Variants in PHACTR4 observed in about 807,000 individuals in gnomAD.
PHACTR4 encodes the protein phosphatase and actin regulator 4.
In PHACTR4, 51 loss-of-function variants were observed where a neutral mutation model predicts 72.7. The observed-to-expected ratio is 0.70, with a 90% CI of 0.56 to 0.89. PHACTR4 has a LOEUF of 0.89. PHACTR4 is among the 40% of genes least tolerant of loss of function. PHACTR4 has a pLI of 0.00. For missense variants in PHACTR4, 731 were observed against 861.8 expected, an observed-to-expected ratio of 0.85 and a Z score of 1.90; for synonymous variants, 255 against 302.5, an observed-to-expected ratio of 0.84 and a Z score of 1.63.
chr1:28,383,791 C>T (rs1052541584), intron 1 of PHACTR4, among the ~76,000 whole-genome samples: 4 of 152,174 alleles, frequency 2.6e-5, no homozygotes, highest in Non-Finnish European at 5.9e-5. Context: ...GTCATGTTGT[C>T]TACAGACAAA....
chr1:28,472,161 C>T (rs1659601824), intron 6 of PHACTR4, among the ~76,000 whole-genome samples: 1 of 148,874 alleles, frequency 6.7e-6, no homozygotes, highest in African/African-American at 2.5e-5. Context: ...TGCAGTGAGC[C>T]GAGATGGCAC....
chr1:28,457,739 T>G, intron 2 of PHACTR4: 1 of 713,020 alleles, frequency 1.4e-6, no homozygotes. Flanking sequence ...TAGCTTATCA[T>G]ATGCTGTTCC....
chr1:28,494,499 C>CA (rs1661226076), intron 13 of PHACTR4, among the ~76,000 whole-genome samples: 1 of 152,066 alleles, frequency 6.6e-6, no homozygotes, highest in Admixed American at 6.6e-5. Context: ...ACTAAAAATA[C>CA]AAAAATTAGC....
rs71672836 is a variant in PHACTR4 at position 28,475,729 on chromosome 1, C to CTTTTTTTTTTTTTTTTTTTTT, written c.1422-364_1422-363insTTTTTTTTTTTTTTTTTTTTT. On this transcript the variant is annotated intron_variant, in intron 7 of 13. Transcript: ENST00000373839. ...ATTTATGGTTATTTCAGTCCTTTGT[C>CTTTTTTTTTTTTTTTTTTTTT]TTTTTTTTTTTTTTGAGATAGAATC... Among the ~76,000 whole-genome samples, 3 of 135,290 alleles carry CTTTTTTTTTTTTTTTTTTTTT rather than the reference C, an allele frequency of 2.2e-5. 1 individual carries two copies. The highest frequency in any genetic ancestry group is 8.8e-5 in the African/African-American group (3 of 33,932). 88.8% of individuals were successfully genotyped at this position (135,290 alleles called of 152,430 possible).
intron 3 of PHACTR4, 82 bp downstream of exon 3, chr1:28,459,340 G>T: frequency 2.4e-5 from 26 of 1,066,024 alleles, no homozygotes; most frequent in South Asian, 5.1e-5. Context: ...ATCTTCCCAA[G>T]TTTCTGTAGT....
At chr1:28,385,562 T>G in intron 1 of PHACTR4, among the ~76,000 whole-genome samples, 1 of 140,446 alleles carries the variant, frequency 7.1e-6, no homozygotes, top group African/African-American at 2.7e-5. Flanking sequence ...AAAAAAAAAG[T>G]CATTCAGGAG....
chr1:28,427,868 G>T (rs1004932170), intron 2 of PHACTR4, among the ~76,000 whole-genome samples: 1 of 152,206 alleles, frequency 6.6e-6, no homozygotes, highest in South Asian at 2.1e-4. Context: ...AGTGAGGGTT[G>T]TGGTTTCTCA....
At chr1:28,450,377 A>T (rs775554023) in intron 2 of PHACTR4, among the ~76,000 whole-genome samples, 1 of 151,884 alleles carries the variant, frequency 6.6e-6, no homozygotes, top group African/African-American at 2.4e-5. Flanking sequence ...ACAACAGTCT[A>T]TCCAAATGTG....
At chr1:28,478,119 T>TA (rs1405444859) in intron 8 of PHACTR4, among the ~76,000 whole-genome samples, 1 of 152,204 alleles carries the variant, frequency 6.6e-6, no homozygotes, top group African/African-American at 2.4e-5. Flanking sequence ...TCAACTTTTT[T>TA]AGCTCCCACG....
chr1:28,488,686 A>T (rs1557850528), intron 9 of PHACTR4, among the ~76,000 whole-genome samples: 3 of 152,010 alleles, frequency 2.0e-5, no homozygotes, highest in Non-Finnish European at 4.4e-5. Flanking sequence ...GTCATAGAAG[A>T]AGTTTTGTGA....
chr1:28,380,715 A>C (rs1305690902), intron 1 of PHACTR4, among the ~76,000 whole-genome samples: 1 of 152,182 alleles, frequency 6.6e-6, no homozygotes, highest in Admixed American at 6.6e-5. Flanking sequence ...TGGTGTATAC[A>C]TACCACCTTT....
chr1:28,495,963 G>T (rs1193713716), intron 13 of PHACTR4, among the ~76,000 whole-genome samples: 2 of 150,888 alleles, frequency 1.3e-5, no homozygotes, highest in Non-Finnish European at 2.9e-5. Context: ...AGAGGAAAAT[G>T]AACCAGGACA....
chr1:28,376,566 C>T (rs375763747), intron 1 of PHACTR4, among the ~76,000 whole-genome samples: 3 of 151,486 alleles, frequency 2.0e-5, no homozygotes, highest in Admixed American at 6.6e-5. Context: ...TGAGCTGAAG[C>T]GATCCACCCG....
rs778065671 is a variant in PHACTR4 at position 28,474,059 on chromosome 1, G to T, written c.1329G>T (p.Ser443=). Residue 443 remains serine (S), a synonymous_variant, in exon 7 of 14, where the codon TCG becomes TCT. Transcript: ENST00000373839. ...PILEGSHRAH[S]LLFENSDSFS... ...TGGAGGGTTCTCACAGAGCTCATTC[G>T]TTGCTTTTTGAAAACAGTGACAGCT... is the stretch of plus-strand genomic sequence containing the variant. 2.2e-5 allele frequency: 35 copies of T among 1,614,218 alleles called. No homozygotes were observed. In the Middle Eastern group the frequency reaches 8.2e-4, roughly 38 times the overall value.
At chr1:28,400,394 G>T (rs1022585479) in intron 1 of PHACTR4, among the ~76,000 whole-genome samples, 1 of 142,070 alleles carries the variant, frequency 7.0e-6, no homozygotes, top group Admixed American at 7.1e-5. Context: ...AAAAAAAAAA[G>T]AGAAATCTGG....
intron 4 of PHACTR4, among the ~76,000 whole-genome samples, chr1:28,462,557 G>A (rs1210643695): frequency 1.3e-5 from 2 of 151,874 alleles, no homozygotes; most frequent in Admixed American, 6.6e-5. Flanking sequence ...TAATAGACAG[G>A]GTTTCACCGT....
At chr1:28,452,581 G>C (rs1206623254) in intron 2 of PHACTR4, among the ~76,000 whole-genome samples, 1 of 152,056 alleles carries the variant, frequency 6.6e-6, no homozygotes. Flanking sequence ...AAGGTGGGTA[G>C]ATCACTTTAG....
At chr1:28,402,240 C>T (rs1361047140) in intron 1 of PHACTR4, among the ~76,000 whole-genome samples, 1 of 152,094 alleles carries the variant, frequency 6.6e-6, no homozygotes, top group East Asian at 1.9e-4. Context: ...CATCTGTTGC[C>T]CTACTCATGA....
intron 9 of PHACTR4, among the ~76,000 whole-genome samples, chr1:28,486,841 A>G (rs1281586852): frequency 6.6e-6 from 1 of 151,748 alleles, no homozygotes; most frequent in African/African-American, 2.4e-5. Context: ...CCTGGGCGAC[A>G]GAGTGAGACT....
Sources: gnomAD v4.1 joint callset for allele counts (sites outside exome capture counted in the v4.1 genomes callset) on GRCh38, gnomAD v4.1.1 for gene constraint, MANE v1.5 for transcripts, NCBI Gene and HGNC (gene_info 2026-07-23, HGNC 2026-07-21) for gene names.